REDIC1: variants seen among roughly 807,000 people sequenced by gnomAD.
The protein encoded by REDIC1 is HEI10 Interacting Protein 1.
chr12:39,711,576 T>C, the REDIC1 span, among the ~76,000 whole-genome samples: 2 of 65,194 alleles, frequency 3.1e-5, no homozygotes, highest in Non-Finnish European at 7.7e-5. Flanking sequence ...TATATGTGCA[T>C]ACACATGCAT....
chr12:39,658,167 G>C, the REDIC1 span, among the ~76,000 whole-genome samples: 5 of 151,352 alleles, frequency 3.3e-5, no homozygotes, highest in Non-Finnish European at 5.9e-5. Context: ...TGCAACCTCT[G>C]CCTCCCGGGT....
At chr12:39,713,763 A>G in the REDIC1 span, among the ~76,000 whole-genome samples, 34 of 149,282 alleles carry the variant, frequency 2.3e-4, no homozygotes, top group African/African-American at 6.4e-4. Context: ...GTATACACGT[A>G]TATATATATT....
the REDIC1 span, among the ~76,000 whole-genome samples, chr12:39,868,599 C>A: frequency 6.6e-6 from 1 of 152,038 alleles, no homozygotes; most frequent in African/African-American, 2.4e-5. Flanking sequence ...TGATGAAGAC[C>A]GTCTGTGAGT....
the REDIC1 span, among the ~76,000 whole-genome samples, chr12:39,638,907 T>G: frequency 6.6e-5 from 10 of 152,152 alleles, no homozygotes; most frequent in African/African-American, 2.2e-4. Context: ...CAGCCTGGAA[T>G]AAAATCACAC....
chr12:39,696,515 C>G, the REDIC1 span, among the ~76,000 whole-genome samples: 1 of 111,700 alleles, frequency 9.0e-6, no homozygotes, highest in African/African-American at 3.5e-5. Flanking sequence ...TGCACTCCAG[C>G]CTGGGCGACA....
At chr12:39,751,168 C>T in the REDIC1 span, among the ~76,000 whole-genome samples, 3 of 151,994 alleles carry the variant, frequency 2.0e-5, no homozygotes, top group African/African-American at 7.2e-5. Flanking sequence ...ACTCATCTGA[C>T]AAAGGGCTAA....
the REDIC1 span, among the ~76,000 whole-genome samples, chr12:39,740,936 A>G: frequency 1.3e-5 from 2 of 151,792 alleles, no homozygotes; most frequent in African/African-American, 4.9e-5. Context: ...TTAATGTAAT[A>G]TGCATAATTA....
the REDIC1 span, among the ~76,000 whole-genome samples, chr12:39,689,350 C>T: frequency 6.6e-6 from 1 of 152,128 alleles, no homozygotes; most frequent in Non-Finnish European, 1.5e-5. Flanking sequence ...TTGTGATATA[C>T]TTTTTAAAAA....
the REDIC1 span, among the ~76,000 whole-genome samples, chr12:39,773,902 C>T: frequency 3.3e-5 from 5 of 152,206 alleles, no homozygotes; most frequent in Admixed American, 6.5e-5. Flanking sequence ...CATCTACCAT[C>T]GTTCTACTGG....
the REDIC1 span, among the ~76,000 whole-genome samples, chr12:39,712,470 A>G: frequency 4.2e-5 from 6 of 142,608 alleles, no homozygotes; most frequent in South Asian, 4.3e-4. Context: ...ATACGTATGT[A>G]TATATACATA....
At chr12:39,723,185 G>T in the REDIC1 span, among the ~76,000 whole-genome samples, 1 of 152,074 alleles carries the variant, frequency 6.6e-6, no homozygotes, top group African/African-American at 2.4e-5. Flanking sequence ...GACTCTGTCC[G>T]ATGTGTTTCT....
chr12:39,635,400 C>T, the REDIC1 span, among the ~76,000 whole-genome samples: 1 of 152,112 alleles, frequency 6.6e-6, no homozygotes, highest in Non-Finnish European at 1.5e-5. Context: ...ACCCAAATGT[C>T]CATCAATGGT....
the REDIC1 span, chr12:39,683,556 G>A: frequency 4.1e-6 from 5 of 1,232,638 alleles, no homozygotes; most frequent in Non-Finnish European, 5.8e-6. Flanking sequence ...TTGAATTGAT[G>A]CAAAGTGAGG....
chr12:39,642,385 A>G, the REDIC1 span, among the ~76,000 whole-genome samples: 3,658 of 151,510 alleles, frequency 0.024, 73 homozygotes, highest in Non-Finnish European at 0.033. Flanking sequence ...TCATCCATCT[A>G]TCTTAGAACT....
chr12:39,792,636 A>G, the REDIC1 span, among the ~76,000 whole-genome samples: 20,774 of 152,156 alleles, frequency 0.14, 1,953 homozygotes, highest in Middle Eastern at 0.18. Flanking sequence ...TGTGGATACC[A>G]AAACCCACAC....
chr12:39,805,389 G>C, the REDIC1 span, among the ~76,000 whole-genome samples: 1 of 152,106 alleles, frequency 6.6e-6, no homozygotes, highest in African/African-American at 2.4e-5. Context: ...TGGAGCAGGT[G>C]TAAGAGGTAG....
the REDIC1 span, among the ~76,000 whole-genome samples, chr12:39,813,947 A>C: frequency 6.6e-6 from 1 of 152,216 alleles, no homozygotes; most frequent in Non-Finnish European, 1.5e-5. Flanking sequence ...ATAACTCCAC[A>C]TTTCGAAAGT....
the REDIC1 span, among the ~76,000 whole-genome samples, chr12:39,874,989 G>A: frequency 3.3e-5 from 5 of 152,190 alleles, no homozygotes; most frequent in South Asian, 2.1e-4. Flanking sequence ...CAAGAGCTGC[G>A]ACTTCAGCCC....
the REDIC1 span, chr12:39,764,638 T>C: frequency 1.9e-6 from 3 of 1,579,314 alleles, no homozygotes; most frequent in Admixed American, 2.0e-5. Context: ...TTAAAAACTT[T>C]AGTAAAATAG....
Sources: gnomAD v4.1 joint callset for allele counts (sites outside exome capture counted in the v4.1 genomes callset) on GRCh38, gnomAD v4.1.1 for gene constraint, MANE v1.5 for transcripts, NCBI Gene and HGNC (gene_info 2026-07-23, HGNC 2026-07-21) for gene names.